The following MMP26 variants were observed in gnomAD, a reference collection of about 807,000 sequenced individuals.
MMP26 encodes the protein matrix metallopeptidase 26.
In MMP26, 33 loss-of-function variants were observed where a neutral mutation model predicts 31.0. The ratio of observed to expected loss-of-function variants is 1.06; its 90% CI spans 0.81 to 1.42. The LOEUF is 1.42. Ranked by LOEUF, MMP26 falls within the 40% of genes most tolerant of loss-of-function variation. MMP26 has a pLI of 0.00. For synonymous variants in MMP26, 122 were observed against 114.9 expected, an observed-to-expected ratio of 1.06 and a Z score of -0.40; for missense variants, 347 against 316.1, an observed-to-expected ratio of 1.10 and a Z score of -0.74.
At chr11:4,916,206 C>T (rs574805140) in intron 2 of MMP26, among the ~76,000 whole-genome samples, 1 of 151,922 alleles carries the variant, frequency 6.6e-6, no homozygotes, top group Admixed American at 6.5e-5. Context: ...CCTCTGCTGG[C>T]ACTGTGGGTT....
rs1202930118 is a variant in MMP26 at position 4,988,092 on chromosome 11, G to A, written c.-120G>A. ...GGTATGGATGATGACGCCACTCACA[G>A]ATTCAAAGAAAGGGCAAACTGGCAG... On this transcript the variant is annotated 5_prime_UTR_variant, in exon 3 of 8. Coordinates refer to ENST00000380390, the MANE Select transcript of MMP26 (RefSeq NM_021801.5). 10 of 867,598 alleles carry A rather than the reference G, an allele frequency of 1.2e-5. No homozygotes were observed. In the African/African-American group the frequency reaches 1.6e-4, roughly 14 times the overall value. 53.7% of individuals were successfully genotyped at this position (867,598 alleles called of 1,614,324 possible). A position where few individuals can be genotyped will look rare whatever the true frequency, so the allele number is the denominator to read the frequency against.
At chr11:4,940,861 T>C (rs1846196378) in intron 2 of MMP26, among the ~76,000 whole-genome samples, 1 of 152,138 alleles carries the variant, frequency 6.6e-6, no homozygotes, top group African/African-American at 2.4e-5. Flanking sequence ...GCAGATCAGC[T>C]AGTTGTTTTA....
chr11:4,957,110 C>T (rs527577049), intron 2 of MMP26, among the ~76,000 whole-genome samples: 1 of 152,260 alleles, frequency 6.6e-6, no homozygotes, highest in Admixed American at 6.5e-5. Context: ...GTGTATACCA[C>T]ACTGTCAGGA....
At chr11:4,890,894 GC>G (rs1850608857) in intron 2 of MMP26, among the ~76,000 whole-genome samples, 1 of 150,994 alleles carries the variant, frequency 6.6e-6, no homozygotes, top group Non-Finnish European at 1.5e-5. Flanking sequence ...GTGTTATTAG[GC>G]TTTACCTTAC....
intron 2 of MMP26, chr11:4,914,771 C>A (rs747957313): frequency 1.2e-6 from 2 of 1,613,976 alleles, no homozygotes; most frequent in African/African-American, 2.7e-5. Flanking sequence ...GGTCTTCACA[C>A]TGTAGACAAT....
chr11:4,826,241 C>T (rs1849576838), intron 2 of MMP26, among the ~76,000 whole-genome samples: 1 of 152,056 alleles, frequency 6.6e-6, no homozygotes, highest in African/African-American at 2.4e-5. Flanking sequence ...CGTTGCTGTA[C>T]CTGGGAGCTG....
rs763876806 is a variant in MMP26, at chr11:4,990,761, T to A, written c.469+15T>A. The stretch of plus-strand genomic sequence containing the variant: ...CTGGCAGTGGGGTAAGAAATTGACA[T>A]GGGAAGAAGGATATGTATATGCCCT... On this transcript the variant is annotated intron_variant, in intron 5 of 7. Transcript: ENST00000380390. 106 of 1,613,652 alleles carry A rather than the reference T, an allele frequency of 6.6e-5. No individual in the cohort carries two copies. Among genetic ancestry groups the A allele is most frequent in the Non-Finnish European group, 8.9e-5 (105 of 1,179,792 alleles).
chr11:4,718,385 T>C (rs1847964988), intron 1 of MMP26, among the ~76,000 whole-genome samples: 2 of 152,254 alleles, frequency 1.3e-5, no homozygotes, highest in Non-Finnish European at 2.9e-5. Context: ...TTGTGCAAAT[T>C]CTGTATCCTC....
At chr11:4,846,155 C>T (rs1427193840) in intron 2 of MMP26, among the ~76,000 whole-genome samples, 1 of 152,116 alleles carries the variant, frequency 6.6e-6, no homozygotes, top group Non-Finnish European at 1.5e-5. Flanking sequence ...GCAACCTAAG[C>T]ATTCATCAAC....
intron 2 of MMP26, among the ~76,000 whole-genome samples, chr11:4,886,847 C>T (rs1456553111): frequency 2.6e-5 from 4 of 151,684 alleles, no homozygotes; most frequent in African/African-American, 7.2e-5. Flanking sequence ...TTTCACTTTT[C>T]CATTGTAGTT....
rs2595978 is a variant in MMP26, at chr11:4,915,810, G to C, written c.-144-72258G>C. 7.4e-6 allele frequency: 4 copies of C among 538,408 alleles called. No homozygotes were observed. In the African/African-American group the frequency reaches 7.6e-5, roughly 10 times the overall value. The allele number at this position is 538,408 out of a possible 1,614,324, so 33.4% of individuals were successfully genotyped here. On this transcript the variant is annotated intron_variant, in intron 2 of 7. Transcript: ENST00000380390. ...CTGTGCAGCTCTTTCTAGTGGTTAT[G>C]TCTTTCTGGTCCTTGACTTCCTCTC... is the stretch of plus-strand genomic sequence containing the variant.
intron 1 of MMP26, among the ~76,000 whole-genome samples, chr11:4,731,582 C>G (rs1848174521): frequency 6.6e-6 from 1 of 152,156 alleles, no homozygotes; most frequent in South Asian, 2.1e-4. Flanking sequence ...ACTGATGTTT[C>G]TAGACGATAA....
chr11:4,796,552 G>C (rs556098894), intron 2 of MMP26, among the ~76,000 whole-genome samples: 50 of 152,306 alleles, frequency 3.3e-4, no homozygotes, highest in Middle Eastern at 3.4e-3. Context: ...TTCGTATCAA[G>C]TACCCCTTCC....
intron 2 of MMP26, among the ~76,000 whole-genome samples, chr11:4,907,095 T>TAAAAAAAAGAAAAAAAAA: frequency 1.8e-5 from 1 of 55,108 alleles, no homozygotes; most frequent in Non-Finnish European, 3.4e-5. Flanking sequence ...AAACTCCCTC[T>TAAAAAAAAGAAAAAAAAA]AAAAAAAAAA....
At chr11:4,889,045 C>T (rs751664372) in intron 2 of MMP26, among the ~76,000 whole-genome samples, 3 of 152,146 alleles carry the variant, frequency 2.0e-5, no homozygotes, top group Non-Finnish European at 4.4e-5. Context: ...TGTGTTGAGT[C>T]ATGATTTCCG....
chr11:4,982,267 G>A (rs1846824853), intron 2 of MMP26, among the ~76,000 whole-genome samples: 1 of 152,010 alleles, frequency 6.6e-6, no homozygotes, highest in African/African-American at 2.4e-5. Flanking sequence ...CTGTAGGATT[G>A]GTGGTGAAGT....
chr11:4,870,000 C>T (rs1850289663), intron 2 of MMP26, among the ~76,000 whole-genome samples: 2 of 152,250 alleles, frequency 1.3e-5, no homozygotes, highest in South Asian at 4.1e-4. Context: ...CATGTTCTCA[C>T]TGATAGGTGG....
chr11:4,726,850 GT>G (rs1848107712), intron 1 of MMP26, among the ~76,000 whole-genome samples: 1 of 151,972 alleles, frequency 6.6e-6, no homozygotes, highest in African/African-American at 2.4e-5. Context: ...CTACAAAAAA[GT>G]TAAAAAATTA....
chr11:4,768,017 T>G (rs558630136), intron 2 of MMP26, among the ~76,000 whole-genome samples: 1 of 152,332 alleles, frequency 6.6e-6, no homozygotes, highest in African/African-American at 2.4e-5. Flanking sequence ...CTATGAATTC[T>G]TTACCTTGGT....
Sources: allele counts gnomAD v4.1 joint callset (sites outside exome capture counted in the v4.1 genomes callset), GRCh38; gene constraint gnomAD v4.1.1; transcripts MANE v1.5; gene names NCBI Gene and HGNC (gene_info 2026-07-23, HGNC 2026-07-21).